Variants in AMOTL1 observed in about 807,000 individuals in gnomAD.
AMOTL1 encodes the protein angiomotin-like protein 1.
AMOTL1 carries 45 observed loss-of-function variants against 102.9 expected under a neutral mutation model. The observed-to-expected ratio is 0.44, with a 90% CI of 0.34 to 0.56. The LOEUF (loss-of-function observed/expected upper bound fraction) is 0.56. Ranked by LOEUF, AMOTL1 falls within the 20% of genes least tolerant of loss-of-function variation. The pLI is 0.01. For missense variants in AMOTL1, 1,114 were observed against 1,225.6 expected (o/e 0.91, Z 1.36); for synonymous variants, 481 against 484.7 (o/e 0.99, Z 0.10).
chr11:94,740,561 C>G (rs533872794), intron 2 of AMOTL1, among the ~76,000 whole-genome samples: 243 of 149,974 alleles, frequency 1.6e-3, no homozygotes, highest in Middle Eastern at 3.4e-3. Flanking sequence ...CGCGGCTCCT[C>G]GGCGCTGGGG....
Position 94,834,105 on chromosome 11 carries a change from C to T in AMOTL1, c.1648+2564C>T, listed in dbSNP as rs577577863. Among the ~76,000 whole-genome samples, 50 of 152,272 alleles carry T rather than the reference C, an allele frequency of 3.3e-4. No homozygotes were observed. In the South Asian group the frequency reaches 0.01, roughly 31 times the overall value. ...CAGAATGGCAGGCATGAATTACTGCCTCTCTTCCTAGTTATTAATGTGTTC... is the reference window on the plus strand; with the variant it reads ...CAGAATGGCAGGCATGAATTACTGCTTCTCTTCCTAGTTATTAATGTGTTC... On this transcript the variant is annotated intron_variant, in intron 6 of 12. Coordinates refer to ENST00000433060, the MANE Select transcript of AMOTL1 (RefSeq NM_130847.3).
intron 4 of AMOTL1, among the ~76,000 whole-genome samples, chr11:94,823,921 A>G (rs1951916253): frequency 6.6e-6 from 1 of 151,614 alleles, no homozygotes; most frequent in South Asian, 2.1e-4. Context: ...GGGTTTCACC[A>G]TGTTGGCCAG....
chr11:94,726,165 T>C (rs1039648386), intron 1 of AMOTL1, among the ~76,000 whole-genome samples: 3 of 152,172 alleles, frequency 2.0e-5, no homozygotes, highest in Non-Finnish European at 2.9e-5. Flanking sequence ...GATGGACCCA[T>C]AAAAGAAGAG....
intron 3 of AMOTL1, among the ~76,000 whole-genome samples, chr11:94,745,563 A>G (rs1950580680): frequency 2.6e-5 from 4 of 152,198 alleles, no homozygotes; most frequent in African/African-American, 9.7e-5. Context: ...ATGTTGTGTC[A>G]TCACAGAAGT....
At chr11:94,710,581 C>T (rs922624944) in intron 1 of AMOTL1, among the ~76,000 whole-genome samples, 1 of 152,164 alleles carries the variant, frequency 6.6e-6, no homozygotes, top group Non-Finnish European at 1.5e-5. Context: ...GTAGTGACAG[C>T]GTTGGAGCAG....
intron 7 of AMOTL1, among the ~76,000 whole-genome samples, chr11:94,853,434 A>G (rs994974041): frequency 3.9e-5 from 6 of 152,184 alleles, no homozygotes; most frequent in Admixed American, 3.3e-4. Context: ...TTTGCTGAGA[A>G]TGATGGCTTC....
At chr11:94,821,403 T>C in intron 3 of AMOTL1, 127 bp from the exon 4 acceptor site, 1 of 988,258 alleles carries the variant, frequency 1.0e-6, no homozygotes, top group Non-Finnish European at 1.5e-6. Context: ...AGTGAATACC[T>C]CCCACTGGGA....
chr11:94,824,010 T>G (rs923062474), intron 4 of AMOTL1, among the ~76,000 whole-genome samples: 5 of 152,142 alleles, frequency 3.3e-5, no homozygotes, highest in African/African-American at 9.7e-5. Flanking sequence ...TACTTTTTAT[T>G]GACCTATAAC....
chr11:94,800,195 T>C lies in AMOTL1; in HGVS notation c.1005T>C (p.Gly335=). ...CCCAGGAGCACGGACTTTTTTATGG[T>C]GACCAGCACCCCGGGATGCTCCACG... The part of the protein sequence containing the change: ...SKTQEHGLFY[G]DQHPGMLHEM... The change falls in exon 3 of 13, where the codon GGT becomes GGC. Residue 335 remains glycine (G), a synonymous_variant. Coordinates refer to ENST00000433060, the MANE Select transcript of AMOTL1 (RefSeq NM_130847.3). The C allele has an allele frequency of 1.2e-6, 2 of 1,613,904 alleles. No individual in the cohort carries two copies. The highest frequency in any genetic ancestry group is 8.5e-7 in the Non-Finnish European group (1 of 1,179,864).
chr11:94,780,876 A>G (rs1951099800), intron 1 of AMOTL1, among the ~76,000 whole-genome samples: 1 of 152,212 alleles, frequency 6.6e-6, no homozygotes. Flanking sequence ...CAGATTTGCC[A>G]AACAAAAACA....
intron 11 of AMOTL1, chr11:94,866,448 G>C (rs575678824): frequency 1.6e-4 from 70 of 433,630 alleles, no homozygotes; most frequent in African/African-American, 1.2e-3. Context: ...AACACAAAAG[G>C]CTCTCATAGA....
intron 3 of AMOTL1, among the ~76,000 whole-genome samples, chr11:94,803,276 T>C (rs1951510463): frequency 6.6e-6 from 1 of 152,250 alleles, no homozygotes; most frequent in Non-Finnish European, 1.5e-5. Flanking sequence ...TCACCTGCTC[T>C]GATGCGCCCT....
intron 1 of AMOTL1, among the ~76,000 whole-genome samples, chr11:94,774,178 C>G (rs1185983534): frequency 6.6e-6 from 1 of 152,196 alleles, no homozygotes; most frequent in African/African-American, 2.4e-5. Context: ...TCTTTGAGAA[C>G]CTGGAACCCC....
intron 11 of AMOTL1, among the ~76,000 whole-genome samples, chr11:94,868,649 G>T (rs1193368964): frequency 1.3e-5 from 2 of 152,150 alleles, no homozygotes; most frequent in Non-Finnish European, 2.9e-5. Context: ...TACAAGGAGT[G>T]GGGTGGAATT....
intron 6 of AMOTL1, among the ~76,000 whole-genome samples, chr11:94,838,618 T>C (rs1952231660): frequency 6.6e-6 from 1 of 152,046 alleles, no homozygotes; most frequent in African/African-American, 2.4e-5. Flanking sequence ...AACCTAGTCA[T>C]GGAAAAAGAA....
Position 94,876,590 on chromosome 11 carries a change from C to T in AMOTL1, c.*5795C>T, listed in dbSNP as rs1209096732. The T allele has an allele frequency of 6.6e-6, 1 of 152,626 alleles. No homozygotes were observed. Among genetic ancestry groups the T allele is most frequent in the Non-Finnish European group, 1.5e-5 (1 of 68,040 alleles). 9.5% of individuals were successfully genotyped at this position (152,626 alleles called of 1,614,324 possible). A position where few individuals can be genotyped will look rare whatever the true frequency, so the allele number is the denominator to read the frequency against. ...CACAGCAAATATTGATGCTGTTGGT[C>T]AGCCAAAGATTTTCCTCTCCTTTGC... is the stretch of plus-strand genomic sequence containing the variant. On this transcript the variant is annotated 3_prime_UTR_variant, in exon 13 of 13. Transcript: ENST00000433060.
chr11:94,849,308 T>G (rs1952482392), intron 6 of AMOTL1, among the ~76,000 whole-genome samples: 1 of 152,236 alleles, frequency 6.6e-6, no homozygotes, highest in Admixed American at 6.5e-5. Context: ...AATAGTCTTA[T>G]TTTTAAAAAA....
rs553123900 is a variant in AMOTL1 at position 94,723,756 on chromosome 11, A to T, written c.-50-5165A>T. Among the ~76,000 whole-genome samples the T allele has an allele frequency of 2.6e-5, 4 of 151,350 alleles. No individual in the cohort carries two copies. The East Asian group carries it at 7.7e-4, about 29-fold the overall frequency. ...GCATTTCATGTACTTTTATTCATGT[A>T]AAAAGGTATTTTTTTTTCTCACAGT... is the stretch of plus-strand genomic sequence containing the variant. On this transcript the variant is annotated intron_variant, in intron 1 of 4. Transcript: ENST00000299004.
chr11:94,713,715 T>G (rs1950052866), intron 1 of AMOTL1, among the ~76,000 whole-genome samples: 1 of 151,972 alleles, frequency 6.6e-6, no homozygotes, highest in South Asian at 2.1e-4. Context: ...TTAATTTTTA[T>G]GTTAATATTA....
Sources: allele counts gnomAD v4.1 joint callset (sites outside exome capture counted in the v4.1 genomes callset), GRCh38; gene constraint gnomAD v4.1.1; transcripts MANE v1.5; gene names NCBI Gene and HGNC (gene_info 2026-07-23, HGNC 2026-07-21).